The following DOCK5 variants were observed in gnomAD, a reference collection of about 807,000 sequenced individuals.
DOCK5 encodes dedicator of cytokinesis 5.
Under a neutral mutation model 251.8 loss-of-function variants are expected in DOCK5, and 142 were observed. The ratio of observed to expected loss-of-function variants is 0.56; its 90% CI spans 0.49 to 0.65. The LOEUF (loss-of-function observed/expected upper bound fraction) is 0.65, where lower values mean the gene tolerates loss of function less well. Ranked by LOEUF, DOCK5 falls within the 30% of genes least tolerant of loss-of-function variation. The pLI is 0.00. For synonymous variants in DOCK5, 842 were observed against 835.5 expected, an observed-to-expected ratio of 1.01 and a Z score of -0.13; for missense variants, 2,111 against 2,312.3, an observed-to-expected ratio of 0.91 and a Z score of 1.79.
At chr8:25,380,148 T>C (rs1801039602) in intron 38 of DOCK5, among the ~76,000 whole-genome samples, 157 bp from the exon 39 acceptor site, 1 of 152,146 alleles carries the variant, frequency 6.6e-6, no homozygotes, top group Admixed American at 6.5e-5. Context: ...GAAATGAAGG[T>C]TTCACTGATC....
chr8:25,187,947 C>T (rs927525337), intron 1 of DOCK5, among the ~76,000 whole-genome samples: 3 of 152,164 alleles, frequency 2.0e-5, no homozygotes, highest in Non-Finnish European at 2.9e-5. Context: ...GCTTCTTCCT[C>T]GCAGTTCCTG....
chr8:25,300,080 AT>A (rs781580430), intron 8 of DOCK5, among the ~76,000 whole-genome samples: 89 of 152,146 alleles, frequency 5.8e-4, no homozygotes, highest in Non-Finnish European at 1.1e-3. Context: ...CAATTTTTGT[AT>A]TTTTAGTAGA....
At chr8:25,254,294 A>G (rs1803353041) in intron 2 of DOCK5, among the ~76,000 whole-genome samples, 1 of 152,228 alleles carries the variant, frequency 6.6e-6, no homozygotes, top group African/African-American at 2.4e-5. Flanking sequence ...TTAGAATATA[A>G]TAACATGGAG....
chr8:25,304,193 C>T, intron 10 of DOCK5, 62 bp from the exon 11 acceptor site: 4 of 1,387,472 alleles, frequency 2.9e-6, no homozygotes, highest in Non-Finnish European at 3.9e-6. Context: ...TGTCCTTTTC[C>T]ATAGTAACTT....
chr8:25,412,795 AT>A lies in DOCK5; in HGVS notation c.*1499del, dbSNP rs1801653804. 2 of 152,258 alleles carry A rather than the reference AT, an allele frequency of 1.3e-5. No homozygotes were observed. The highest frequency in any genetic ancestry group is 1.3e-4 in the Admixed American group (2 of 15,276). The allele number at this position is 152,258 out of a possible 1,614,324, so 9.4% of individuals were successfully genotyped here. ...GCCAGAGCTGGTATTTGCCTGCCTGATTCTCTGTGTTTCCTGTTTCACCGCC... is the reference window on the plus strand; with the variant it reads ...GCCAGAGCTGGTATTTGCCTGCCTGATCTCTGTGTTTCCTGTTTCACCGCC... On this transcript the variant is annotated 3_prime_UTR_variant, in exon 52 of 52. Transcript: ENST00000276440.
rs542502769 is a variant in DOCK5 at position 25,310,306 on chromosome 8, T to A, written c.1193-101T>A. The A allele has an allele frequency of 1.5e-5, 18 of 1,212,514 alleles. No individual in the cohort carries two copies. In the African/African-American group the frequency reaches 2.1e-4, roughly 14 times the overall value. The allele number at this position is 1,212,514 out of a possible 1,614,324, so 75.1% of individuals were successfully genotyped here. A position where few individuals can be genotyped will look rare whatever the true frequency, so the allele number is the denominator to read the frequency against. ...TGGGGGAGAATTTACATCTTTACAG[T>A]AAGGTTGTGACTATACAACTCAAAT... On this transcript the variant is annotated intron_variant, in intron 12 of 51. Transcript: ENST00000276440.
chr8:25,292,770 G>A (rs1804527068), intron 6 of DOCK5, among the ~76,000 whole-genome samples: 5 of 152,132 alleles, frequency 3.3e-5, no homozygotes, highest in Admixed American at 3.3e-4. Flanking sequence ...CCCTGAAAAT[G>A]ACCAAGCCTC....
intron 4 of DOCK5, 98 bp downstream of exon 4, chr8:25,275,539 G>A: frequency 8.1e-7 from 1 of 1,237,408 alleles, no homozygotes; most frequent in Non-Finnish European, 1.1e-6. Context: ...TACGTTAATA[G>A]TTCTCTCATC....
intron 2 of DOCK5, among the ~76,000 whole-genome samples, chr8:25,244,705 G>C (rs557346750): frequency 1.3e-5 from 2 of 152,230 alleles, no homozygotes; most frequent in Non-Finnish European, 2.9e-5. Flanking sequence ...GAAGAGATGG[G>C]AAGGCAGGAG....
intron 48 of DOCK5, among the ~76,000 whole-genome samples, chr8:25,407,581 G>T (rs778039725): frequency 1.3e-5 from 2 of 152,126 alleles, no homozygotes; most frequent in Non-Finnish European, 2.9e-5. Flanking sequence ...GTCAAGAGTA[G>T]GTTGAGGAGG....
chr8:25,341,907 A>G (rs746022261), intron 24 of DOCK5, 98 bp downstream of exon 24: 38 of 966,882 alleles, frequency 3.9e-5, no homozygotes, highest in Non-Finnish European at 5.2e-5. Context: ...TTATTTTTCT[A>G]AGAAGTATTA....
Position 25,408,810 on chromosome 8 carries a change from C to A in DOCK5, c.5274C>A (p.Thr1758=). Residue 1758 remains threonine (T), a synonymous_variant, in exon 50 of 52, where the codon ACC becomes ACA. Coordinates refer to ENST00000276440, the MANE Select transcript of DOCK5 (RefSeq NM_024940.8). ...TTTCTCTCTGGTCCTAGAGCCCAAC[C>A]AGAAAAGCACAAAGGCCAAAGAGTC... ...KAPEPDLMSP[T]RKAQRPKSLQ... The A allele has an allele frequency of 6.2e-7, 1 of 1,613,952 alleles. No individual in the cohort carries two copies.
intron 13 of DOCK5, among the ~76,000 whole-genome samples, chr8:25,313,926 G>A (rs999561770): frequency 1.4e-5 from 2 of 140,494 alleles, no homozygotes; most frequent in African/African-American, 2.7e-5. Flanking sequence ...AATTTGGGGA[G>A]GACACAGTTC....
intron 5 of DOCK5, among the ~76,000 whole-genome samples, chr8:25,291,472 C>T (rs1461030736): frequency 6.7e-6 from 1 of 149,560 alleles, no homozygotes; most frequent in Non-Finnish European, 1.5e-5. Context: ...CACTTGAGGT[C>T]AGGAGTTCGA....
intron 6 of DOCK5, 130 bp from the exon 7 acceptor site, chr8:25,296,383 G>C (rs1018986169): frequency 6.0e-6 from 7 of 1,161,546 alleles, no homozygotes; most frequent in Admixed American, 5.6e-5. Context: ...AGTCAATGAG[G>C]TGTGCTTCCC....
intron 2 of DOCK5, among the ~76,000 whole-genome samples, chr8:25,253,430 G>GCA (rs1354741559): frequency 6.6e-6 from 1 of 152,160 alleles, no homozygotes; most frequent in Non-Finnish European, 1.5e-5. Flanking sequence ...TCCATCCCAT[G>GCA]CACACACATA....
Position 25,390,846 on chromosome 8 carries a change from G to T in DOCK5, c.4355+559G>T, listed in dbSNP as rs192759643. On this transcript the variant is annotated intron_variant, in intron 42 of 51. Coordinates refer to ENST00000276440, the MANE Select transcript of DOCK5 (RefSeq NM_024940.8). ...TTTTTTTGAGACGGAATCTTGCTCC[G>T]TCACCCAGGCTGGAGTACAGTGCGT... Among the ~76,000 whole-genome samples, 207 of 151,030 alleles carry T rather than the reference G, an allele frequency of 1.4e-3. 3 individuals carry two copies. The highest frequency in any genetic ancestry group is 1.6e-4 in the Non-Finnish European group (11 of 67,878).
chr8:25,229,038 C>T (rs1430137011), intron 1 of DOCK5, among the ~76,000 whole-genome samples: 1 of 146,572 alleles, frequency 6.8e-6, no homozygotes, highest in African/African-American at 2.5e-5. Context: ...CAAGACCAGT[C>T]TGGGCAACGT....
At chr8:25,334,729 TC>T (rs1392987485) in intron 21 of DOCK5, among the ~76,000 whole-genome samples, 1 of 123,110 alleles carries the variant, frequency 8.1e-6, no homozygotes, top group Non-Finnish European at 1.8e-5. Context: ...AAAAAAAAAA[TC>T]GAGCAAAATC....
Sources: allele counts gnomAD v4.1 joint callset (sites outside exome capture counted in the v4.1 genomes callset), GRCh38; gene constraint gnomAD v4.1.1; transcripts MANE v1.5; gene names NCBI Gene and HGNC (gene_info 2026-07-23, HGNC 2026-07-21).